P2RX5: variants seen among roughly 807,000 people sequenced by gnomAD.
P2RX5 encodes P2X purinoceptor 5.
P2RX5 carries 46 observed loss-of-function variants against 54.1 expected under a neutral mutation model. The observed-to-expected ratio is 0.85, with a 90% CI of 0.67 to 1.09. The LOEUF (loss-of-function observed/expected upper bound fraction) is 1.09. P2RX5 is among the 50% of genes least tolerant of loss of function. P2RX5 has a pLI of 0.00. For missense variants in P2RX5, 566 were observed against 549.8 expected (o/e 1.03, Z -0.29); for synonymous variants, 226 against 226.4 (o/e 1.00, Z 0.02).
At chr17:3,722,073 G>A in the P2RX5 span, among the ~76,000 whole-genome samples, 1 of 152,132 alleles carries the variant, frequency 6.6e-6, no homozygotes, top group Admixed American at 6.5e-5. Context: ...CAGCTACTTG[G>A]GAGGCTGAGG....
the P2RX5 span, among the ~76,000 whole-genome samples, chr17:3,719,502 A>G: frequency 6.6e-6 from 1 of 152,160 alleles, no homozygotes; most frequent in Non-Finnish European, 1.5e-5. Context: ...ATGAAAACAC[A>G]GGGTAACACA....
At chr17:3,695,724 C>T in intron 1 of P2RX5, 145 bp downstream of exon 1, 1 of 923,728 alleles carries the variant, frequency 1.1e-6, no homozygotes, top group South Asian at 1.4e-5. Context: ...CAAAGAGGAC[C>T]CCCACAGCAA....
chr17:3,711,720 G>A, the P2RX5 span, among the ~76,000 whole-genome samples: 1 of 135,132 alleles, frequency 7.4e-6, no homozygotes, highest in African/African-American at 2.7e-5. Context: ...TTTGAGACAG[G>A]GTCTCGCTCT....
chr17:3,705,416 G>A, the P2RX5 span, among the ~76,000 whole-genome samples: 736 of 152,238 alleles, frequency 4.8e-3, no homozygotes, highest in Non-Finnish European at 8.2e-3. Flanking sequence ...TCAGTGTCCA[G>A]CTTCCCTACC....
At chr17:3,701,715 AAAAAG>A in the P2RX5 span, among the ~76,000 whole-genome samples, 22 of 137,906 alleles carry the variant, frequency 1.6e-4, no homozygotes, top group African/African-American at 4.9e-4. Flanking sequence ...AAAAAAAAAA[AAAAAG>A]GAACTTCTAA....
the P2RX5 span, among the ~76,000 whole-genome samples, chr17:3,718,966 T>G: frequency 1.3e-5 from 2 of 152,076 alleles, no homozygotes; most frequent in Non-Finnish European, 2.9e-5. Flanking sequence ...ACATGGTGGC[T>G]CATGCCTGTA....
At chr17:3,699,897 G>A (rs766108991), upstream of P2RX5, among the ~76,000 whole-genome samples, 3 of 30,490 alleles carry the variant, frequency 9.8e-5, no homozygotes, top group South Asian at 2.2e-3. Flanking sequence ...AAGGAAGGAA[G>A]GAAGGAAGGA....
At chr17:3,688,173 T>A in intron 8 of P2RX5, 68 bp from the exon 9 acceptor site, 3 of 841,490 alleles carry the variant, frequency 3.6e-6, no homozygotes, top group Non-Finnish European at 6.0e-6. Context: ...AGCACTGATG[T>A]GGCTGCTCTG....
the P2RX5 span, among the ~76,000 whole-genome samples, chr17:3,704,828 G>A: frequency 6.6e-6 from 1 of 152,220 alleles, no homozygotes; most frequent in African/African-American, 2.4e-5. Context: ...CCATCATGGA[G>A]AAAACCTGTC....
rs773586913 is a variant in P2RX5 at position 3,691,665 on chromosome 17, G to A, written c.267C>T (p.Ala89=). 143 of 1,614,082 alleles carry A rather than the reference G, an allele frequency of 8.9e-5. 1 individual carries two copies. Among genetic ancestry groups the A allele is most frequent in the Middle Eastern group, 3.3e-4 (2 of 6,084 alleles). Residue 89 remains alanine, a synonymous_variant, in exon 2 of 12, where the codon GCC becomes GCT. Transcript: ENST00000225328. ...SDLGQRIWDV[A]DYVIPAQGEN... Reference sequence around the variant, plus strand: ...AGACCTGGGCTGGAATGACGTAGTCGGCGACATCCCAGATCCGCTGCCCAA... The same window carrying A: ...AGACCTGGGCTGGAATGACGTAGTCAGCGACATCCCAGATCCGCTGCCCAA...
At chr17:3,710,663 C>T in the P2RX5 span, among the ~76,000 whole-genome samples, 1 of 151,914 alleles carries the variant, frequency 6.6e-6, no homozygotes, top group African/African-American at 2.4e-5. Flanking sequence ...CGTGGCAACT[C>T]ACGCCTGGAA....
intron 1 of P2RX5, among the ~76,000 whole-genome samples, chr17:3,694,965 C>T (rs1467766916): frequency 6.6e-6 from 1 of 152,198 alleles, no homozygotes; most frequent in Admixed American, 6.5e-5. Context: ...AGCACAGCGC[C>T]TACGAGGCCG....
chr17:3,711,367 A>ATTTTTTTTTTTTT, the P2RX5 span, among the ~76,000 whole-genome samples: 1 of 88,152 alleles, frequency 1.1e-5, no homozygotes, highest in Non-Finnish European at 2.1e-5. Context: ...CCCAGCACTC[A>ATTTTTTTTTTTTT]TTCTTTTTTT....
chr17:3,723,780 A>T, the P2RX5 span: 1 of 1,601,524 alleles, frequency 6.2e-7, no homozygotes, highest in Non-Finnish European at 8.5e-7. Flanking sequence ...GCGCTGAACA[A>T]ACCAAGCCGC....
the P2RX5 span, chr17:3,716,970 C>A: frequency 1.1e-3 from 627 of 558,576 alleles, 2 homozygotes; most frequent in African/African-American, 0.011. Flanking sequence ...CATTTTAGAT[C>A]ATCTAAAACT....
chr17:3,690,826 C>T, intron 3 of P2RX5, 130 bp downstream of exon 3: 1 of 1,142,570 alleles, frequency 8.8e-7, no homozygotes, highest in East Asian at 2.5e-5. Flanking sequence ...ATGCAGGAAC[C>T]ACACCCGGGT....
At chr17:3,700,754 T>A (rs2050811284), upstream of P2RX5, among the ~76,000 whole-genome samples, 1 of 152,164 alleles carries the variant, frequency 6.6e-6, no homozygotes, top group Admixed American at 6.6e-5. Flanking sequence ...ATCTCCCGGA[T>A]AATGAGTGAA....
At chr17:3,689,425 T>C in intron 7 of P2RX5, 67 bp downstream of exon 7, 1 of 1,592,158 alleles carries the variant, frequency 6.3e-7, no homozygotes, top group South Asian at 1.1e-5. Flanking sequence ...CACACCCTCC[T>C]CGTCACAGAG....
intron 5 of P2RX5, 95 bp from the exon 6 acceptor site, chr17:3,690,245 C>T (rs1457364876): frequency 3.8e-5 from 49 of 1,286,258 alleles, no homozygotes; most frequent in Non-Finnish European, 4.1e-5. Context: ...CTTGGGTCCC[C>T]TGGAGCCTCT....
Sources: allele counts gnomAD v4.1 joint callset (sites outside exome capture counted in the v4.1 genomes callset), GRCh38; gene constraint gnomAD v4.1.1; transcripts MANE v1.5; gene names NCBI Gene and HGNC (gene_info 2026-07-23, HGNC 2026-07-21).